The following STK32A variants were observed in gnomAD, a reference collection of about 807,000 sequenced individuals.
STK32A encodes serine/threonine-protein kinase 32A.
Under a neutral mutation model 53.2 loss-of-function variants are expected in STK32A, and 41 were observed. The ratio of observed to expected loss-of-function variants is 0.77; its 90% CI spans 0.60 to 1.00. The LOEUF (loss-of-function observed/expected upper bound fraction) is 1.00, where lower values mean the gene tolerates loss of function less well. STK32A is among the 50% of genes least tolerant of loss of function. STK32A has a pLI of 0.00. For synonymous variants in STK32A, 166 were observed against 162.8 expected (o/e 1.02, Z -0.15); for missense variants, 458 against 485.8 (o/e 0.94, Z 0.54).
chr5:147,352,093 T>G (rs1756012100), intron 7 of STK32A, among the ~76,000 whole-genome samples: 1 of 152,122 alleles, frequency 6.6e-6, no homozygotes, highest in Admixed American at 6.6e-5. Flanking sequence ...GCATCTGTGG[T>G]CCCAGCTGCT....
intron 5 of STK32A, among the ~76,000 whole-genome samples, chr5:147,328,979 C>T (rs1754731061): frequency 6.6e-6 from 1 of 151,952 alleles, no homozygotes; most frequent in South Asian, 2.1e-4. Context: ...CTGAGAATTA[C>T]CCCCCACTAT....
chr5:147,358,514 A>C (rs939814098), intron 7 of STK32A, among the ~76,000 whole-genome samples: 2 of 152,168 alleles, frequency 1.3e-5, no homozygotes, highest in Non-Finnish European at 2.9e-5. Context: ...AATAGTCCCA[A>C]ACTGAAAATA....
At chr5:147,301,050 TG>T (rs1387609849) in intron 4 of STK32A, among the ~76,000 whole-genome samples, 3 of 152,154 alleles carry the variant, frequency 2.0e-5, no homozygotes, top group African/African-American at 7.2e-5. Flanking sequence ...GTTTGCAATA[TG>T]GAAATTCACA....
intron 4 of STK32A, among the ~76,000 whole-genome samples, chr5:147,300,229 T>G (rs1488707166): frequency 6.6e-6 from 1 of 152,170 alleles, no homozygotes; most frequent in African/African-American, 2.4e-5. Flanking sequence ...CCCATTCTAT[T>G]CCTGAAGAAA....
At chr5:147,330,800 G>A (rs1392902846) in intron 5 of STK32A, among the ~76,000 whole-genome samples, 1 of 152,158 alleles carries the variant, frequency 6.6e-6, no homozygotes, top group Non-Finnish European at 1.5e-5. Flanking sequence ...GTAATGACCT[G>A]TCTACAGAGC....
intron 7 of STK32A, among the ~76,000 whole-genome samples, chr5:147,359,620 G>A (rs1249755957): frequency 6.6e-6 from 1 of 152,138 alleles, no homozygotes; most frequent in Non-Finnish European, 1.5e-5. Flanking sequence ...ATCACCTGGG[G>A]ACTATCTGAT....
At chr5:147,243,671 G>A (rs1206044602) in intron 2 of STK32A, among the ~76,000 whole-genome samples, 4 of 149,188 alleles carry the variant, frequency 2.7e-5, no homozygotes, top group African/African-American at 9.8e-5. Context: ...AACCTGGGAG[G>A]TGAAGTTTGC....
the STK32A span, chr5:147,401,917 A>T: frequency 2.2e-6 from 1 of 451,494 alleles, no homozygotes; most frequent in Admixed American, 4.5e-5. Context: ...ATTGGTTGTT[A>T]GATGCAGTGT....
At chr5:147,238,039 G>T (rs1245926457) in intron 1 of STK32A, among the ~76,000 whole-genome samples, 1 of 152,178 alleles carries the variant, frequency 6.6e-6, no homozygotes, top group Non-Finnish European at 1.5e-5. Context: ...CATATCATGT[G>T]CTAGGCATTG....
In STK32A at chr5:147,271,725, T is replaced by C. The variant is rs182524202; in HGVS notation, c.53-6399T>C. Among the ~76,000 whole-genome samples the C allele has an allele frequency of 2.7e-3, 404 of 152,274 alleles. 4 individuals carry two copies. The highest frequency in any genetic ancestry group is 8.3e-3 in the African/African-American group (345 of 41,560). On this transcript the variant is annotated intron_variant, in intron 2 of 12. Coordinates refer to ENST00000397936, the MANE Select transcript of STK32A (RefSeq NM_001112724.2). Reference sequence around the variant, plus strand: ...TGAAATTAGCCCCAGTCTCCCATAGTGCTCCCAGGCTTATTAGGATGAGGA... The same window carrying C: ...TGAAATTAGCCCCAGTCTCCCATAGCGCTCCCAGGCTTATTAGGATGAGGA...
intron 11 of STK32A, among the ~76,000 whole-genome samples, chr5:147,376,831 G>GT (rs1245082282): frequency 3.9e-5 from 6 of 152,086 alleles, no homozygotes; most frequent in Non-Finnish European, 8.8e-5. Context: ...ATTATAGGAT[G>GT]TTTTTTACAT....
At chr5:147,395,728 C>T in the STK32A span, 1 of 1,613,420 alleles carries the variant, frequency 6.2e-7, no homozygotes, top group Non-Finnish European at 8.5e-7. Flanking sequence ...CCATCTGCAG[C>T]CAGAGAAGAG....
chr5:147,318,756 A>C (rs1237367190), intron 4 of STK32A, among the ~76,000 whole-genome samples: 1 of 145,308 alleles, frequency 6.9e-6, no homozygotes, highest in Non-Finnish European at 1.5e-5. Context: ...AGCCTGGATG[A>C]CACAGTGAGA....
intron 4 of STK32A, among the ~76,000 whole-genome samples, chr5:147,297,995 A>G (rs955084157): frequency 6.6e-6 from 1 of 151,864 alleles, no homozygotes; most frequent in South Asian, 2.1e-4. Context: ...AAAAAAAAAT[A>G]CTATCTGATG....
rs907095327 is a variant in STK32A, at chr5:147,335,284, C to T, written c.435-7722C>T. Among the ~76,000 whole-genome samples, 19 of 152,194 alleles carry T rather than the reference C, an allele frequency of 1.2e-4. No homozygotes were observed. In the South Asian group the frequency reaches 2.9e-3, roughly 23 times the overall value. On this transcript the variant is annotated intron_variant, in intron 5 of 12. Transcript: ENST00000397936. Reference sequence around the variant, plus strand: ...GCTGAGTCTCAGAACGTTCTATTACCGACATGGTTTTGGTCCCAACAGAAA... The same window carrying T: ...GCTGAGTCTCAGAACGTTCTATTACTGACATGGTTTTGGTCCCAACAGAAA...
intron 5 of STK32A, among the ~76,000 whole-genome samples, chr5:147,341,847 T>A (rs1250497743): frequency 6.6e-6 from 1 of 152,112 alleles, no homozygotes; most frequent in Non-Finnish European, 1.5e-5. Flanking sequence ...ATTTTTGGTT[T>A]AAAATGACTA....
Position 147,286,183 on chromosome 5 carries a change from C to CA in STK32A, c.260+6788dup, listed in dbSNP as rs1752327895. Among the ~76,000 whole-genome samples the CA allele has an allele frequency of 4.6e-5, 7 of 151,872 alleles. No homozygotes were observed. The South Asian group carries it at 1.5e-3, about 32-fold the overall frequency. ...GTGACGTAATTCAGGAATTGAAAAC[C>CA]AAACATCATATGTTCTCACTGATAT... On this transcript the variant is annotated intron_variant, in intron 4 of 12. Transcript: ENST00000397936.
chr5:147,299,748 G>GA (rs1435708402), intron 4 of STK32A, among the ~76,000 whole-genome samples: 2 of 152,112 alleles, frequency 1.3e-5, no homozygotes, highest in Non-Finnish European at 2.9e-5. Context: ...GGTTTCTACG[G>GA]AAAAAAGAAG....
chr5:147,384,675 C>T lies in STK32A; in HGVS notation c.*692C>T, dbSNP rs1040125553. The stretch of plus-strand genomic sequence containing the variant: ...ATTGGTAATAATGGGAGCATTTACA[C>T]CACGGAAACTGGTAAATGCTCGTTT... On this transcript the variant is annotated 3_prime_UTR_variant, in exon 13 of 13. Coordinates refer to ENST00000397936, the MANE Select transcript of STK32A (RefSeq NM_001112724.2). 1.2e-5 allele frequency: 5 copies of T among 416,188 alleles called. No homozygotes were observed. Among genetic ancestry groups the T allele is most frequent in the South Asian group, 6.5e-5 (1 of 15,430 alleles). The allele number at this position is 416,188 out of a possible 1,614,324, so 25.8% of individuals were successfully genotyped here.
Sources: gnomAD v4.1 joint callset for allele counts (sites outside exome capture counted in the v4.1 genomes callset) on GRCh38, gnomAD v4.1.1 for gene constraint, MANE v1.5 for transcripts, NCBI Gene and HGNC (gene_info 2026-07-23, HGNC 2026-07-21) for gene names.